The following SAXO1 variants were observed in gnomAD, a reference collection of about 807,000 sequenced individuals.
The protein encoded by SAXO1 is 4930500O09Rik.
SAXO1 carries 21 observed loss-of-function variants against 17.5 expected under a neutral mutation model. The observed-to-expected ratio is 1.20, with a 90% CI of 0.85 to 1.72. The LOEUF (loss-of-function observed/expected upper bound fraction) is 1.72. Ranked by LOEUF, SAXO1 falls within the 40% of genes most tolerant of loss-of-function variation. The pLI, the probability that SAXO1 is intolerant of heterozygous loss-of-function variation, is 0.00. For synonymous variants in SAXO1, 274 were observed against 216.5 expected (o/e 1.27, Z -2.33); for missense variants, 843 against 596.0 (o/e 1.41, Z -4.32).
At chr9:19,012,618 C>A (rs1237669743) in intron 1 of SAXO1, among the ~76,000 whole-genome samples, 2 of 152,190 alleles carry the variant, frequency 1.3e-5, no homozygotes. Context: ...CTCAACCCAC[C>A]CAGTCCCTAA....
intron 1 of SAXO1, among the ~76,000 whole-genome samples, chr9:19,021,706 G>C (rs186980893): frequency 6.6e-6 from 1 of 152,228 alleles, no homozygotes; most frequent in Admixed American, 6.5e-5. Context: ...TTCTGGGTCA[G>C]GTGGGTACTT....
chr9:19,038,847 A>T (rs1353496107), intron 1 of SAXO1, among the ~76,000 whole-genome samples: 2 of 152,228 alleles, frequency 1.3e-5, no homozygotes, highest in African/African-American at 4.8e-5. Context: ...AATTAAAAAA[A>T]AAATGGTAAC....
chr9:18,937,161 C>G (rs1831331090), intron 3 of SAXO1, among the ~76,000 whole-genome samples: 1 of 152,214 alleles, frequency 6.6e-6, no homozygotes, highest in Non-Finnish European at 1.5e-5. Context: ...GGGTGATACA[C>G]CAAGAGATAA....
At chr9:18,965,029 G>C (rs568722911) in intron 1 of SAXO1, among the ~76,000 whole-genome samples, 3 of 152,186 alleles carry the variant, frequency 2.0e-5, no homozygotes, top group Non-Finnish European at 2.9e-5. Context: ...TAGACATTCA[G>C]GAGCAGGTTG....
chr9:19,017,851 C>T (rs1835050947), intron 1 of SAXO1, among the ~76,000 whole-genome samples: 1 of 152,190 alleles, frequency 6.6e-6, no homozygotes, highest in South Asian at 2.1e-4. Context: ...CAGGCATGCA[C>T]ACAAGTGAAC....
intron 1 of SAXO1, among the ~76,000 whole-genome samples, chr9:19,044,723 T>C (rs539889910): frequency 1.6e-3 from 247 of 150,720 alleles, no homozygotes; most frequent in African/African-American, 5.6e-3. Context: ...ATTAGCTGGG[T>C]GTGGTGGCGG....
At chr9:19,012,589 A>G (rs553468788) in intron 1 of SAXO1, among the ~76,000 whole-genome samples, 1 of 152,364 alleles carries the variant, frequency 6.6e-6, no homozygotes, top group South Asian at 2.1e-4. Flanking sequence ...TGTCTGGATA[A>G]GGAGGCCTGG....
intron 1 of SAXO1, among the ~76,000 whole-genome samples, chr9:18,995,246 T>C (rs1190596144): frequency 1.3e-5 from 2 of 152,366 alleles, no homozygotes; most frequent in African/African-American, 4.8e-5. Context: ...TACACAGGAT[T>C]ATTCCATATT....
chr9:18,992,693 A>T (rs1245875081), intron 1 of SAXO1, among the ~76,000 whole-genome samples: 3 of 152,192 alleles, frequency 2.0e-5, no homozygotes. Flanking sequence ...TTGGAGACAG[A>T]CGTTGGCACA....
intron 1 of SAXO1, among the ~76,000 whole-genome samples, chr9:18,951,407 C>G (rs1241825558): frequency 2.0e-5 from 3 of 152,120 alleles, no homozygotes; most frequent in Admixed American, 2.0e-4. Context: ...TGGGTCAACT[C>G]GGAATATCAT....
intron 2 of SAXO1, among the ~76,000 whole-genome samples, chr9:18,947,166 G>A (rs1377817355): frequency 1.3e-5 from 2 of 152,192 alleles, no homozygotes; most frequent in East Asian, 3.8e-4. Context: ...CCAGGCTATG[G>A]AGGCTAAGTA....
intron 1 of SAXO1, among the ~76,000 whole-genome samples, chr9:19,046,075 T>TC (rs1290991628): frequency 1.7e-5 from 1 of 57,574 alleles, no homozygotes; most frequent in Non-Finnish European, 3.1e-5. Context: ...AGAATGAAAC[T>TC]CCGTCTCAAA....
chr9:19,013,800 G>A (rs1265269534), intron 1 of SAXO1, among the ~76,000 whole-genome samples: 1 of 152,010 alleles, frequency 6.6e-6, no homozygotes, highest in Non-Finnish European at 1.5e-5. Context: ...ACCCGCCTCG[G>A]CCTCCCAAAG....
chr9:18,940,241 G>A (rs1205982477), intron 3 of SAXO1, among the ~76,000 whole-genome samples: 3 of 152,254 alleles, frequency 2.0e-5, no homozygotes, highest in Non-Finnish European at 2.9e-5. Context: ...GGATGCCGAT[G>A]TGCACAAAGA....
chr9:19,004,469 A>T (rs538055527), intron 1 of SAXO1, among the ~76,000 whole-genome samples: 2 of 152,354 alleles, frequency 1.3e-5, no homozygotes, highest in African/African-American at 4.8e-5. Flanking sequence ...ACCAACCCAA[A>T]TGTCCATCAA....
At chr9:19,027,601 G>C (rs1835548733) in intron 1 of SAXO1, 6 of 1,430,246 alleles carry the variant, frequency 4.2e-6, no homozygotes, top group Non-Finnish European at 5.9e-6. Context: ...GCCCCCAGCT[G>C]GTGCAGATGT....
At chr9:18,966,990 A>G (rs1189973421) in intron 1 of SAXO1, among the ~76,000 whole-genome samples, 1 of 152,106 alleles carries the variant, frequency 6.6e-6, no homozygotes, top group Non-Finnish European at 1.5e-5. Flanking sequence ...TTTCCTTCTA[A>G]TAGTCAAGCC....
At chr9:18,963,394 C>T (rs1469643371) in intron 1 of SAXO1, among the ~76,000 whole-genome samples, 1 of 151,994 alleles carries the variant, frequency 6.6e-6, no homozygotes, top group Non-Finnish European at 1.5e-5. Flanking sequence ...TTACTTTGGG[C>T]AGTATGGCCA....
At chr9:19,003,232 C>G (rs571069421) in intron 1 of SAXO1, among the ~76,000 whole-genome samples, 3 of 152,048 alleles carry the variant, frequency 2.0e-5, no homozygotes, top group East Asian at 1.9e-4. Context: ...CACTGCTCAA[C>G]GAAATAAAAG....
Sources: gnomAD v4.1 joint callset for allele counts (sites outside exome capture counted in the v4.1 genomes callset) on GRCh38, gnomAD v4.1.1 for gene constraint, MANE v1.5 for transcripts, NCBI Gene and HGNC (gene_info 2026-07-23, HGNC 2026-07-21) for gene names.